CPNE8: variants seen among roughly 807,000 people sequenced by gnomAD.
CPNE8 encodes the protein copine-8.
Under a neutral mutation model 81.5 loss-of-function variants are expected in CPNE8, and 45 were observed. The ratio of observed to expected loss-of-function variants is 0.55; its 90% CI spans 0.44 to 0.71. The LOEUF (loss-of-function observed/expected upper bound fraction) is 0.71. CPNE8 is among the 30% of genes least tolerant of loss of function. The pLI is 0.00. For missense variants in CPNE8, 594 were observed against 672.1 expected (o/e 0.88, Z 1.28); for synonymous variants, 252 against 226.3 (o/e 1.11, Z -1.02).
intron 7 of CPNE8, among the ~76,000 whole-genome samples, chr12:38,772,825 T>G (rs1267213850): frequency 6.6e-6 from 1 of 152,146 alleles, no homozygotes; most frequent in African/African-American, 2.4e-5. Flanking sequence ...CTCCCATGTT[T>G]ATTCTAGCAT....
intron 3 of CPNE8, among the ~76,000 whole-genome samples, chr12:38,861,068 A>T (rs1943825499): frequency 6.6e-6 from 1 of 152,206 alleles, no homozygotes. Flanking sequence ...AAATAAGGTA[A>T]TCCTGCTATA....
At chr12:38,664,069 G>T (rs1160937783) in intron 19 of CPNE8, among the ~76,000 whole-genome samples, 1 of 152,030 alleles carries the variant, frequency 6.6e-6, no homozygotes, top group Non-Finnish European at 1.5e-5. Flanking sequence ...TAGCACTGTA[G>T]GGTTACCGTA....
intron 18 of CPNE8, among the ~76,000 whole-genome samples, chr12:38,674,669 A>G (rs1402252159): frequency 6.6e-6 from 1 of 152,214 alleles, no homozygotes; most frequent in Non-Finnish European, 1.5e-5. Flanking sequence ...CTGTAAGATT[A>G]TCATGCTAGA....
At chr12:38,832,680 T>C (rs1943307889) in intron 5 of CPNE8, among the ~76,000 whole-genome samples, 1 of 151,980 alleles carries the variant, frequency 6.6e-6, no homozygotes, top group Non-Finnish European at 1.5e-5. Context: ...CCCAAATATT[T>C]ATGGCACTCT....
intron 19 of CPNE8, among the ~76,000 whole-genome samples, chr12:38,657,594 G>A (rs931772476): frequency 3.9e-5 from 6 of 152,140 alleles, no homozygotes; most frequent in African/African-American, 7.2e-5. Context: ...CCTGACCCCC[G>A]TATAGCGTAA....
At chr12:38,745,961 C>A (rs1180743811) in intron 10 of CPNE8, among the ~76,000 whole-genome samples, 1 of 152,146 alleles carries the variant, frequency 6.6e-6, no homozygotes, top group Non-Finnish European at 1.5e-5. Flanking sequence ...CCTGAGCATC[C>A]TGAAGCAGCA....
chr12:38,798,304 G>T (rs1942556343), intron 6 of CPNE8, among the ~76,000 whole-genome samples: 1 of 152,096 alleles, frequency 6.6e-6, no homozygotes, highest in Non-Finnish European at 1.5e-5. Context: ...AGAGAGAAAG[G>T]TCGGGTTACC....
intron 3 of CPNE8, among the ~76,000 whole-genome samples, chr12:38,868,494 A>G (rs188053378): frequency 0.011 from 1,639 of 152,200 alleles, 22 homozygotes; most frequent in South Asian, 0.039. Context: ...AACTCTTTGA[A>G]CTCCATAGCA....
intron 4 of CPNE8, among the ~76,000 whole-genome samples, chr12:38,843,867 C>A (rs1442395498): frequency 1.3e-5 from 2 of 152,014 alleles, no homozygotes; most frequent in Admixed American, 6.6e-5. Context: ...ATAGCTCCAG[C>A]TGAAGGGAGT....
At chr12:38,890,568 T>TAA (rs538615816) in intron 1 of CPNE8, among the ~76,000 whole-genome samples, 2 of 151,168 alleles carry the variant, frequency 1.3e-5, no homozygotes, top group African/African-American at 4.9e-5. Flanking sequence ...AAATTGGTGA[T>TAA]AAAAAAAAAT....
At chr12:38,857,485 A>G (rs1943760769) in intron 3 of CPNE8, among the ~76,000 whole-genome samples, 1 of 152,198 alleles carries the variant, frequency 6.6e-6, no homozygotes, top group South Asian at 2.1e-4. Context: ...TTACTTTATC[A>G]ATGTCGATAT....
At chr12:38,666,911 C>T (rs1330981639) in intron 19 of CPNE8, among the ~76,000 whole-genome samples, 1 of 152,058 alleles carries the variant, frequency 6.6e-6, no homozygotes, top group Non-Finnish European at 1.5e-5. Flanking sequence ...AATCAAAGTA[C>T]CTGTCACATA....
chr12:38,791,500 T>C (rs1453151403), intron 6 of CPNE8, among the ~76,000 whole-genome samples: 1 of 151,590 alleles, frequency 6.6e-6, no homozygotes, highest in Non-Finnish European at 1.5e-5. Context: ...AGAGAGTACT[T>C]AGAATTGCAC....
At chr12:38,728,699 T>C (rs1331238589) in intron 11 of CPNE8, among the ~76,000 whole-genome samples, 1 of 152,092 alleles carries the variant, frequency 6.6e-6, no homozygotes, top group Non-Finnish European at 1.5e-5. Flanking sequence ...GCAGAAATAA[T>C]TATATGAAGA....
chr12:38,793,892 T>TA (rs2136935450), intron 6 of CPNE8, among the ~76,000 whole-genome samples: 1 of 152,192 alleles, frequency 6.6e-6, no homozygotes, highest in African/African-American at 2.4e-5. Flanking sequence ...TGACATATAA[T>TA]ACAGAGCTCA....
At chr12:38,693,896 A>T in intron 14 of CPNE8, 58 bp from the exon 15 acceptor site, 2 of 1,398,546 alleles carry the variant, frequency 1.4e-6, no homozygotes, top group Admixed American at 2.5e-5. Context: ...ATTTAACAAA[A>T]TTTTTCTTGG....
intron 6 of CPNE8, among the ~76,000 whole-genome samples, chr12:38,780,635 C>T (rs1280860613): frequency 6.6e-6 from 1 of 151,786 alleles, no homozygotes; most frequent in African/African-American, 2.4e-5. Context: ...ATATGATCTA[C>T]AAAGATTAAA....
intron 6 of CPNE8, 26 bp downstream of exon 6, chr12:38,829,333 AACTGTTAAAGTTGGCATTTC>A: frequency 7.6e-7 from 1 of 1,313,404 alleles, no homozygotes; most frequent in African/African-American, 1.4e-5. Flanking sequence ...ACAAAATAGA[AACTGTTAAAGTTGGCATTTC>A]ATTGTCTGAA....
chr12:38,881,922 T>C (rs2137123149), intron 1 of CPNE8, among the ~76,000 whole-genome samples: 1 of 152,264 alleles, frequency 6.6e-6, no homozygotes, highest in Admixed American at 6.5e-5. Flanking sequence ...AAAAAGAGAC[T>C]GAGAGCAGGA....
Sources: allele counts gnomAD v4.1 joint callset (sites outside exome capture counted in the v4.1 genomes callset), GRCh38; gene constraint gnomAD v4.1.1; transcripts MANE v1.5; gene names NCBI Gene and HGNC (gene_info 2026-07-23, HGNC 2026-07-21).